Variants in RGL1 observed in about 807,000 individuals in gnomAD.
The protein encoded by RGL1 is ral guanine nucleotide dissociation stimulator like 1.
Under a neutral mutation model 95.2 loss-of-function variants are expected in RGL1, and 24 were observed. The observed-to-expected ratio is 0.25, with a 90% confidence interval of 0.18 to 0.35. RGL1 has a LOEUF of 0.35. Among genes scored for constraint, RGL1 ranks in the 10% least tolerant of loss-of-function variants. RGL1 has a pLI of 1.00. For synonymous variants in RGL1, 329 were observed against 344.9 expected, an observed-to-expected ratio of 0.95 and a Z score of 0.51; for missense variants, 715 against 936.3, an observed-to-expected ratio of 0.76 and a Z score of 3.08.
chr1:183,717,988 T>C (rs1572325689), intron 1 of RGL1, among the ~76,000 whole-genome samples: 1 of 152,292 alleles, frequency 6.6e-6, no homozygotes, highest in East Asian at 1.9e-4. Context: ...GGCTCACGCC[T>C]GTAATTCCAG....
At chr1:183,888,631 G>A in intron 8 of RGL1, 54 bp downstream of exon 8, 1 of 1,076,352 alleles carries the variant, frequency 9.3e-7, no homozygotes, top group South Asian at 1.3e-5. Flanking sequence ...ATTAGTGGTT[G>A]TGATGAGTCC....
upstream of RGL1, among the ~76,000 whole-genome samples, chr1:183,804,198 A>T (rs201322307): frequency 1.3e-5 from 2 of 149,932 alleles, no homozygotes; most frequent in African/African-American, 2.5e-5. Context: ...TGGGAGACCT[A>T]TTTTTTTTTT....
At chr1:183,909,729 CTAT>C (rs1364681365) in intron 14 of RGL1, among the ~76,000 whole-genome samples, 2 of 152,042 alleles carry the variant, frequency 1.3e-5, no homozygotes, top group African/African-American at 2.4e-5. Flanking sequence ...TTCATTGTTT[CTAT>C]TATTGTTGTT....
upstream of RGL1, among the ~76,000 whole-genome samples, chr1:183,803,614 G>T (rs1661109906): frequency 1.3e-5 from 2 of 152,220 alleles, no homozygotes; most frequent in Admixed American, 1.3e-4. Flanking sequence ...TGAGGTTGAA[G>T]AAACTGCTTA....
chr1:183,908,794 A>AT (rs1668486172), intron 14 of RGL1, among the ~76,000 whole-genome samples: 1 of 152,198 alleles, frequency 6.6e-6, no homozygotes. Context: ...AAGGAAAAAA[A>AT]CAAAAATTCT....
At chr1:183,696,361 A>C (rs181341469) in intron 1 of RGL1, among the ~76,000 whole-genome samples, 154 of 152,338 alleles carry the variant, frequency 1.0e-3, no homozygotes, top group African/African-American at 3.5e-3. Context: ...CCAAGGACAC[A>C]AAAAATGATT....
At chr1:183,837,406 G>A (rs376766143) in intron 2 of RGL1, among the ~76,000 whole-genome samples, 6 of 108,838 alleles carry the variant, frequency 5.5e-5, no homozygotes, top group East Asian at 7.5e-4. Context: ...AGTTTATGAA[G>A]ACCTTGGACA....
chr1:183,737,976 C>T (rs1485580943), intron 1 of RGL1, among the ~76,000 whole-genome samples: 4 of 152,134 alleles, frequency 2.6e-5, no homozygotes, highest in African/African-American at 4.8e-5. Flanking sequence ...GTAAGGCTTA[C>T]GATATTTTAG....
At chr1:183,774,140 G>C (rs1659458778) in intron 2 of RGL1, among the ~76,000 whole-genome samples, 2 of 152,120 alleles carry the variant, frequency 1.3e-5, no homozygotes, top group South Asian at 4.2e-4. Flanking sequence ...TAATCCTTTT[G>C]GACAGGGAAC....
At chr1:183,758,487 G>A (rs140109061) in intron 2 of RGL1, among the ~76,000 whole-genome samples, 5 of 152,256 alleles carry the variant, frequency 3.3e-5, no homozygotes, top group East Asian at 3.9e-4. Flanking sequence ...ATGAGCCACC[G>A]TGCCCAGCCA....
At chr1:183,856,251 A>T (rs565946102) in intron 3 of RGL1, among the ~76,000 whole-genome samples, 1 of 152,132 alleles carries the variant, frequency 6.6e-6, no homozygotes, top group Non-Finnish European at 1.5e-5. Flanking sequence ...CCTAGGCAAA[A>T]AAACCCAAAA....
chr1:183,892,460 C>T (rs2102674168), intron 9 of RGL1, among the ~76,000 whole-genome samples: 1 of 152,238 alleles, frequency 6.6e-6, no homozygotes, highest in South Asian at 2.1e-4. Flanking sequence ...ATACCAAGTG[C>T]TGGCAGTTAG....
At position 183,900,346 on chromosome 1, in the gene RGL1, T is replaced by G. The variant is rs74133024; in HGVS notation, c.1317+110T>G. The stretch of plus-strand genomic sequence containing the variant: ...TTGAAGGTCCAAAAGTACATGGCAT[T>G]GTGCTAGCTGTTAGGAGGAATACAA... On this transcript the variant is annotated intron_variant, in intron 11 of 17. Coordinates refer to ENST00000360851, the MANE Select transcript of RGL1 (RefSeq NM_001297671.3). 2,664 of 770,222 alleles carry G rather than the reference T, an allele frequency of 3.5e-3. 47 individuals carry two copies. The African/African-American group carries it at 0.042, about 12-fold the overall frequency. 47.7% of individuals were successfully genotyped at this position (770,222 alleles called of 1,614,324 possible).
intron 13 of RGL1, 109 bp downstream of exon 13, chr1:183,905,080 G>C (rs1668242072): frequency 1.7e-5 from 24 of 1,382,636 alleles, no homozygotes; most frequent in Non-Finnish European, 2.3e-5. Context: ...GTGAGCAGCT[G>C]CTAGGTTCCA....
intron 1 of RGL1, among the ~76,000 whole-genome samples, chr1:183,678,544 T>A (rs1652985632): frequency 6.6e-6 from 1 of 152,152 alleles, no homozygotes; most frequent in Non-Finnish European, 1.5e-5. Context: ...TGTTTCTCTC[T>A]CACTTGTGTT....
intron 9 of RGL1, among the ~76,000 whole-genome samples, chr1:183,895,127 C>T (rs1271209785): frequency 6.6e-6 from 1 of 152,206 alleles, no homozygotes; most frequent in African/African-American, 2.4e-5. Context: ...TGTTCAGTGA[C>T]ACTCCAAAAC....
Position 183,724,031 on chromosome 1 carries a change from A to G in RGL1, c.-32-18095A>G, listed in dbSNP as rs1656171782. Among the ~76,000 whole-genome samples, 1 of 152,196 alleles carries G rather than the reference A, an allele frequency of 6.6e-6. No homozygotes were observed. The highest frequency in any genetic ancestry group is 1.5e-5 in the Non-Finnish European group (1 of 68,032). On this transcript the variant is annotated intron_variant, in intron 1 of 18. Transcript: ENST00000304685. This position sits in a 1 kb window ranked among gnomAD's most constrained non-coding sequence, Gnocchi z 4.1. ...GCCCCTATCCCAGGCCCTAGCTCCC[A>G]GATAACATTACTAGACACACCCTGG...
chr1:183,648,585 A>C, intron 1 of RGL1: 1 of 1,614,188 alleles, frequency 6.2e-7, no homozygotes. Context: ...ATAAAATGTG[A>C]GGTGTTTTGT....
intron 4 of RGL1, among the ~76,000 whole-genome samples, chr1:183,880,128 T>A (rs1270738410): frequency 6.6e-6 from 1 of 152,260 alleles, no homozygotes; most frequent in East Asian, 1.9e-4. Context: ...GTGATCCTTG[T>A]CAACTTGAAT....
Sources: allele counts gnomAD v4.1 joint callset (sites outside exome capture counted in the v4.1 genomes callset), GRCh38; gene constraint gnomAD v4.1.1; non-coding constraint Gnocchi (gnomAD v3.1); transcripts MANE v1.5; gene names NCBI Gene and HGNC (gene_info 2026-07-23, HGNC 2026-07-21).